The following SCGB2B2 variants were observed in gnomAD, a reference collection of about 807,000 sequenced individuals.
SCGB2B2 encodes secretoglobin-like protein.
Under a neutral mutation model 7.6 loss-of-function variants are expected in SCGB2B2, and 11 were observed. The ratio of observed to expected loss-of-function variants is 1.45; its 90% CI spans 0.91 to 2.40. SCGB2B2 has a LOEUF of 2.40. Ranked by LOEUF, SCGB2B2 falls within the 30% of genes most tolerant of loss-of-function variation. The pLI is 0.00. For synonymous variants in SCGB2B2, 50 were observed against 48.6 expected (o/e 1.03, Z -0.12); for missense variants, 104 against 115.4 (o/e 0.90, Z 0.45).
At chr19:34,605,538 T>G (rs1044775865) in intron 1 of SCGB2B2, among the ~76,000 whole-genome samples, 1 of 152,180 alleles carries the variant, frequency 6.6e-6, no homozygotes, top group Non-Finnish European at 1.5e-5. Flanking sequence ...CTTTCAATAA[T>G]TTTCTCATTG....
chr19:34,602,496 T>C (rs1007789775), intron 1 of SCGB2B2, among the ~76,000 whole-genome samples: 1 of 152,194 alleles, frequency 6.6e-6, no homozygotes, highest in Non-Finnish European at 1.5e-5. Context: ...ACCTGCTCCA[T>C]ACCCCAGAAC....
rs1055065952 is a variant in SCGB2B2, at chr19:34,593,305, CG to C, written c.*249del. ...AATGCACTCCAGCCACCCTCCTCCC[CG>C]CCAAAAAGAAAACAGGCATGTCTAT... On this transcript the variant is annotated 3_prime_UTR_variant, in exon 4 of 4. Transcript: ENST00000601241. 4 of 424,308 alleles carry C rather than the reference CG, an allele frequency of 9.4e-6. No homozygotes were observed. Among genetic ancestry groups the C allele is most frequent in the African/African-American group, 8.0e-5 (4 of 49,746 alleles). 26.3% of individuals were successfully genotyped at this position (424,308 alleles called of 1,614,324 possible). A position where few individuals can be genotyped will look rare whatever the true frequency, so the allele number is the denominator to read the frequency against.
chr19:34,629,157 A>G (rs2145936131), intron 1 of SCGB2B2, among the ~76,000 whole-genome samples: 1 of 152,104 alleles, frequency 6.6e-6, no homozygotes, highest in African/African-American at 2.4e-5. Flanking sequence ...ACCCACAGCC[A>G]ATATCATACT....
At chr19:34,663,082 G>A (rs765637808) in intron 1 of SCGB2B2, among the ~76,000 whole-genome samples, 3 of 152,222 alleles carry the variant, frequency 2.0e-5, no homozygotes, top group Non-Finnish European at 2.9e-5. Context: ...CCAATGAGAT[G>A]CCGACGCCCC....
Position 34,653,832 on chromosome 19 carries a change from T to C in SCGB2B2, c.-2032+21798A>G, listed in dbSNP as rs1012756637. Among the ~76,000 whole-genome samples, 24 of 151,064 alleles carry C rather than the reference T, an allele frequency of 1.6e-4. 1 individual carries two copies. Among genetic ancestry groups the C allele is most frequent in the African/African-American group, 4.9e-4 (20 of 40,438 alleles). ...GGAACTTACCTCAACACAAATATGG[T>C]AATATATAAAAACCCACTGCTAACA... On this transcript the variant is annotated intron_variant, in intron 1 of 3. Coordinates refer to ENST00000601241, the MANE Select transcript of SCGB2B2 (RefSeq NM_001025591.4).
downstream of SCGB2B2, among the ~76,000 whole-genome samples, chr19:34,588,062 T>C (rs1280233311): frequency 6.6e-6 from 1 of 152,230 alleles, no homozygotes. Flanking sequence ...GGAAGAATTC[T>C]ATACTCTTCA....
At chr19:34,671,421 G>A (rs945878025) in intron 1 of SCGB2B2, among the ~76,000 whole-genome samples, 27 of 149,332 alleles carry the variant, frequency 1.8e-4, no homozygotes, top group African/African-American at 6.1e-4. Flanking sequence ...CAATGTAATC[G>A]TTTAACTTTA....
chr19:34,625,540 A>G (rs1286460243), intron 1 of SCGB2B2, among the ~76,000 whole-genome samples: 1 of 152,306 alleles, frequency 6.6e-6, no homozygotes, highest in South Asian at 2.1e-4. Flanking sequence ...GCAGTCTGAG[A>G]TCAAACTGCA....
intron 1 of SCGB2B2, among the ~76,000 whole-genome samples, chr19:34,620,742 T>C (rs2066219861): frequency 6.6e-6 from 1 of 152,160 alleles, no homozygotes. Context: ...GAGTTGGCAG[T>C]GAAATTGGGG....
At chr19:34,606,202 G>C (rs556019040) in intron 1 of SCGB2B2, among the ~76,000 whole-genome samples, 7 of 152,092 alleles carry the variant, frequency 4.6e-5, no homozygotes, top group African/African-American at 1.7e-4. Flanking sequence ...AATAGGAATT[G>C]TGTATATTTA....
At chr19:34,671,540 T>C (rs2067803225) in intron 1 of SCGB2B2, among the ~76,000 whole-genome samples, 1 of 152,174 alleles carries the variant, frequency 6.6e-6, no homozygotes, top group Non-Finnish European at 1.5e-5. Flanking sequence ...TTTGATTGGA[T>C]TGCATTGAAT....
At chr19:34,629,399 G>A (rs1008289194) in intron 1 of SCGB2B2, among the ~76,000 whole-genome samples, 2 of 151,988 alleles carry the variant, frequency 1.3e-5, no homozygotes, top group African/African-American at 2.4e-5. Flanking sequence ...ATCTCCTTAA[G>A]CTGATAAGCA....
chr19:34,665,251 C>G (rs950366049), intron 1 of SCGB2B2, among the ~76,000 whole-genome samples: 1 of 152,246 alleles, frequency 6.6e-6, no homozygotes, highest in Non-Finnish European at 1.5e-5. Flanking sequence ...AGGCGTGCAG[C>G]CTGGACCACA....
At chr19:34,633,538 T>A (rs2066592938) in intron 1 of SCGB2B2, among the ~76,000 whole-genome samples, 1 of 152,208 alleles carries the variant, frequency 6.6e-6, no homozygotes, top group Middle Eastern at 3.4e-3. Flanking sequence ...GTTATTCCAT[T>A]TATGTAAAGT....
chr19:34,616,978 C>CAAAG (rs558513314), intron 1 of SCGB2B2, among the ~76,000 whole-genome samples: 206 of 152,288 alleles, frequency 1.4e-3, no homozygotes, highest in African/African-American at 4.7e-3. Context: ...TTAGTTTTGT[C>CAAAG]AAAGATCAGA....
chr19:34,597,280 G>C (rs2065485109), intron 1 of SCGB2B2, among the ~76,000 whole-genome samples: 1 of 152,110 alleles, frequency 6.6e-6, no homozygotes. Context: ...ATGCCCACCT[G>C]AGGTTACCTG....
At chr19:34,640,878 A>ACT (rs1410001813) in intron 1 of SCGB2B2, among the ~76,000 whole-genome samples, 99 of 152,202 alleles carry the variant, frequency 6.5e-4, no homozygotes, top group Non-Finnish European at 1.2e-3. Context: ...AAATGCAGGG[A>ACT]CTTAGAGCTC....
At chr19:34,589,340 G>T (rs1207244150), downstream of SCGB2B2, among the ~76,000 whole-genome samples, 1 of 151,944 alleles carries the variant, frequency 6.6e-6, no homozygotes, top group Non-Finnish European at 1.5e-5. Context: ...CCAGGGAGTG[G>T]CTCAGAGCCA....
intron 1 of SCGB2B2, among the ~76,000 whole-genome samples, chr19:34,629,669 A>G (rs930997461): frequency 1.2e-4 from 19 of 152,188 alleles, no homozygotes; most frequent in Middle Eastern, 3.4e-3. Flanking sequence ...GGAAGAATCA[A>G]TATCGTGAAA....
Sources: gnomAD v4.1 joint callset for allele counts (sites outside exome capture counted in the v4.1 genomes callset) on GRCh38, gnomAD v4.1.1 for gene constraint, MANE v1.5 for transcripts, NCBI Gene and HGNC (gene_info 2026-07-23, HGNC 2026-07-21) for gene names.